COL5A1: variants seen among roughly 807,000 people sequenced by gnomAD.
COL5A1 encodes collagen alpha-1(V) chain.
Under a neutral mutation model 263.7 loss-of-function variants are expected in COL5A1, and 16 were observed. The ratio of observed to expected loss-of-function variants is 0.06; its 90% CI spans 0.04 to 0.09. The LOEUF is 0.09. Among genes scored for constraint, COL5A1 ranks in the 10% least tolerant of loss-of-function variants. The pLI, the probability that COL5A1 is intolerant of heterozygous loss-of-function variation, is 1.00. For missense variants in COL5A1, 2,036 were observed against 2,540.5 expected (o/e 0.80, Z 4.27); for synonymous variants, 1,012 against 1,004.5 (o/e 1.01, Z -0.14).
chr9:134,841,034 C>A lies in COL5A1; in HGVS notation c.5371-1123C>A, dbSNP rs905958825. 6.6e-6 allele frequency among the ~76,000 whole-genome samples: 1 copy of A among 152,224 alleles called. No homozygotes were observed. The highest frequency in any genetic ancestry group is 6.5e-5 in the Admixed American group (1 of 15,292). On this transcript the variant is annotated intron_variant, in intron 65 of 65. Coordinates refer to ENST00000371817, the MANE Select transcript of COL5A1 (RefSeq NM_000093.5). This position sits in a 1 kb window ranked among gnomAD's most constrained non-coding sequence, Gnocchi z 4.8. ...TCCGAATCTCCGGCCTGGGAGTCTG[C>A]GCTGGGCCCTCTGCAGGGCTGCATC...
At chr9:134,840,996 C>T (rs1840006882) in intron 65 of COL5A1, among the ~76,000 whole-genome samples, 1 of 152,266 alleles carries the variant, frequency 6.6e-6, no homozygotes, top group African/African-American at 2.4e-5. Flanking sequence ...AGAGCTGGAG[C>T]TGCTGTCTGC....
chr9:134,730,374 C>T lies in COL5A1; in HGVS notation c.1063C>T (p.Leu355Phe), dbSNP rs772068497. Residue 355 changes from leucine (L) to phenylalanine (F), a missense_variant, in exon 7 of 66, where the codon CTC becomes TTC. Transcript: ENST00000371817. ...CTACACGCCCTCACCGTATGATGAC[C>T]TCACCTATGGCGAGGGGGAGGAGAA... Reference protein sequence around the residue: ...DYYTPSPYDDLTYGEGEENPD... With the variant: ...DYYTPSPYDDFTYGEGEENPD... 1.2e-6 allele frequency: 2 copies of T among 1,614,118 alleles called. No individual in the cohort carries two copies. The highest frequency in any genetic ancestry group is 1.7e-6 in the Non-Finnish European group (2 of 1,180,048).
rs963521038 is a variant in COL5A1, at chr9:134,748,022, C to T, written c.1495-2520C>T. Among the ~76,000 whole-genome samples the T allele has an allele frequency of 2.3e-5, 3 of 130,082 alleles. 1 individual carries two copies. Among genetic ancestry groups the T allele is most frequent in the Admixed American group, 7.4e-5 (1 of 13,598 alleles). The allele number at this position is 130,082 out of a possible 152,430, so 85.3% of individuals were successfully genotyped here. The stretch of plus-strand genomic sequence containing the variant: ...ACATACACATGCATTCACACACATG[C>T]ATTCATACACATGCAGACACATGCA... On this transcript the variant is annotated intron_variant, in intron 11 of 65. Coordinates refer to ENST00000371817, the MANE Select transcript of COL5A1 (RefSeq NM_000093.5).
chr9:134,699,479 CT>C (rs1833595053), intron 2 of COL5A1, among the ~76,000 whole-genome samples: 2 of 151,512 alleles, frequency 1.3e-5, no homozygotes, highest in South Asian at 2.1e-4. Context: ...CTCCCTCCCC[CT>C]CCCTCCCTCC....
In COL5A1 at chr9:134,659,769, A is replaced by T. The variant is rs1195404928; in HGVS notation, c.109+17473A>T. 2.6e-5 allele frequency among the ~76,000 whole-genome samples: 4 copies of T among 152,120 alleles called. No individual in the cohort carries two copies. In the East Asian group the frequency reaches 7.8e-4, roughly 30 times the overall value. ...AGCCGTGGGCTCCACAGGCGCCCCG[A>T]GTACCGTCCTCGATGAGATCTGCGG... On this transcript the variant is annotated intron_variant, in intron 1 of 65. Coordinates refer to ENST00000371817, the MANE Select transcript of COL5A1 (RefSeq NM_000093.5).
At chr9:134,756,074 T>G (rs1835961573) in intron 16 of COL5A1, among the ~76,000 whole-genome samples, 1 of 152,096 alleles carries the variant, frequency 6.6e-6, no homozygotes, top group Admixed American at 6.5e-5. Flanking sequence ...AGAGACCCTG[T>G]TCCCTTGCAG....
chr9:134,709,084 T>C (rs942330945), intron 4 of COL5A1: 1 of 387,496 alleles, frequency 2.6e-6, no homozygotes, highest in African/African-American at 2.1e-5. Context: ...AGTGATCTTA[T>C]TTCTGGACAA....
intron 1 of COL5A1, among the ~76,000 whole-genome samples, chr9:134,683,813 C>G (rs1013870034): frequency 1.3e-5 from 2 of 152,234 alleles, no homozygotes; most frequent in African/African-American, 2.4e-5. Context: ...GGCGCCGGCA[C>G]CCGGTGGGCT....
intron 36 of COL5A1, 35 bp from the exon 37 acceptor site, chr9:134,798,373 C>T (rs372341662): frequency 1.9e-5 from 31 of 1,605,948 alleles, no homozygotes; most frequent in Non-Finnish European, 2.3e-5. Flanking sequence ...TTCTCAGACA[C>T]GAATGAACCT....
intron 7 of COL5A1, 49 bp downstream of exon 7, chr9:134,730,524 G>A: frequency 1.2e-6 from 2 of 1,610,898 alleles, no homozygotes; most frequent in South Asian, 2.2e-5. Context: ...TGGGCCAAGG[G>A]CCAGGGCTGG....
intron 4 of COL5A1, among the ~76,000 whole-genome samples, chr9:134,719,427 C>T (rs1834377663): frequency 6.6e-6 from 1 of 152,258 alleles, no homozygotes; most frequent in Non-Finnish European, 1.5e-5. Context: ...TGCACGCACA[C>T]GTATGTATGC....
chr9:134,768,358 T>C (rs2132731232), intron 24 of COL5A1, 52 bp from the exon 25 acceptor site: 1 of 1,503,310 alleles, frequency 6.7e-7, no homozygotes, highest in Non-Finnish European at 9.3e-7. Flanking sequence ...GACGGAGAGG[T>C]CAGGTGAGCC....
intron 1 of COL5A1, among the ~76,000 whole-genome samples, chr9:134,663,927 G>A (rs1050965523): frequency 6.6e-6 from 1 of 152,228 alleles, no homozygotes; most frequent in Non-Finnish European, 1.5e-5. Context: ...TGCCACCACC[G>A]GAGGGTGCTA....
Position 134,823,482 on chromosome 9 carries a change from T to C in COL5A1, c.4698+13T>C. On this transcript the variant is annotated intron_variant, in intron 61 of 65. Coordinates refer to ENST00000371817, the MANE Select transcript of COL5A1 (RefSeq NM_000093.5). The stretch of plus-strand genomic sequence containing the variant: ...CCCAGGCCCCCCGGTAAGTAGCCCT[T>C]GAAGCCCAGAAAGCGGGACGGGGGC... 6.2e-7 allele frequency: 1 copy of C among 1,614,026 alleles called. No individual in the cohort carries two copies. Among genetic ancestry groups the C allele is most frequent in the Non-Finnish European group, 8.5e-7 (1 of 1,179,930 alleles).
chr9:134,698,525 A>G (rs370046045), intron 2 of COL5A1, among the ~76,000 whole-genome samples: 2 of 152,190 alleles, frequency 1.3e-5, no homozygotes, highest in South Asian at 2.1e-4. Context: ...CTTACAGAGG[A>G]TGCAGAGGCT....
rs549291348 is a variant in COL5A1, at chr9:134,728,895, G to A, written c.924+88G>A. On this transcript the variant is annotated intron_variant, in intron 6 of 65. Coordinates refer to ENST00000371817, the MANE Select transcript of COL5A1 (RefSeq NM_000093.5). ...CGAGGCCAGGAGAGGTTGTGTCAGG[G>A]TAGAGGGTTGGGGGCTGTCTGGTGA... 9 of 1,560,460 alleles carry A rather than the reference G, an allele frequency of 5.8e-6. No homozygotes were observed. In the Admixed American group the frequency reaches 1.5e-4, roughly 26 times the overall value.
rs886996536 is a variant in COL5A1 at position 134,754,827 on chromosome 9, C to T, written c.1827+501C>T. 3.9e-5 allele frequency among the ~76,000 whole-genome samples: 6 copies of T among 152,150 alleles called. No individual in the cohort carries two copies. Among genetic ancestry groups the T allele is most frequent in the African/African-American group, 9.7e-5 (4 of 41,426 alleles). Reference sequence around the variant, plus strand: ...CTTCTAAAAGAGGACACACGTTTCCCGAGTGCTGACCACCACCCAGACAGG... The same window carrying T: ...CTTCTAAAAGAGGACACACGTTTCCTGAGTGCTGACCACCACCCAGACAGG... On this transcript the variant is annotated intron_variant, in intron 16 of 65. Transcript: ENST00000371817. This position sits in a 1 kb window ranked among gnomAD's most constrained non-coding sequence, Gnocchi z 4.3.
chr9:134,839,338 G>C (rs1839948130), intron 65 of COL5A1, among the ~76,000 whole-genome samples: 1 of 152,206 alleles, frequency 6.6e-6, no homozygotes, highest in African/African-American at 2.4e-5. Flanking sequence ...GCGGCTCGCA[G>C]CGGCCTACTT....
At chr9:134,721,266 C>T (rs920927836) in intron 4 of COL5A1, among the ~76,000 whole-genome samples, 46 of 150,602 alleles carry the variant, frequency 3.1e-4, no homozygotes, top group Admixed American at 9.3e-4. Context: ...ATGTCCCCCC[C>T]ATGGGACCCC....
Sources: gnomAD v4.1 joint callset for allele counts (sites outside exome capture counted in the v4.1 genomes callset) on GRCh38, gnomAD v4.1.1 for gene constraint, Gnocchi (gnomAD v3.1) non-coding constraint, MANE v1.5 for transcripts, NCBI Gene and HGNC (gene_info 2026-07-23, HGNC 2026-07-21) for gene names.